Variants in CCDC171 observed in about 807,000 individuals in gnomAD.
CCDC171 encodes the protein coiled-coil domain containing 171.
CCDC171 carries 177 observed loss-of-function variants against 168.2 expected under a neutral mutation model. The observed-to-expected ratio is 1.05, with a 90% CI of 0.93 to 1.19. CCDC171 has a LOEUF of 1.19. Among genes scored for constraint, CCDC171 ranks in the 50% most tolerant of loss-of-function variants. The probability of loss-of-function intolerance (pLI) is 0.00; values close to 1 mark genes in which losing one functional copy is unlikely to be tolerated. For missense variants in CCDC171, 1,991 were observed against 1,539.0 expected (o/e 1.29, Z -4.91); for synonymous variants, 687 against 540.8 (o/e 1.27, Z -3.75).
chr9:15,821,995 C>G (rs967041603), intron 21 of CCDC171, among the ~76,000 whole-genome samples: 1 of 151,898 alleles, frequency 6.6e-6, no homozygotes, highest in Admixed American at 6.6e-5. Flanking sequence ...GATATAGACC[C>G]CGGAACACAA....
At chr9:15,603,518 C>G (rs1171591267) in intron 6 of CCDC171, among the ~76,000 whole-genome samples, 1 of 151,978 alleles carries the variant, frequency 6.6e-6, no homozygotes, top group Non-Finnish European at 1.5e-5. Flanking sequence ...CGTTTTCTGT[C>G]CCTGCATTAG....
chr9:15,885,103 A>T lies in CCDC171; in HGVS notation c.3600+10440A>T, dbSNP rs572471227. 3.4e-4 allele frequency among the ~76,000 whole-genome samples: 52 copies of T among 152,232 alleles called. 1 individual carries two copies. Among genetic ancestry groups the T allele is most frequent in the South Asian group, 6.2e-4 (3 of 4,832 alleles). ...CATTACTACTGTTTCCATATTTTGAAACATTTTGTCACCTTTTCATCATTT... is the reference window on the plus strand; with the variant it reads ...CATTACTACTGTTTCCATATTTTGATACATTTTGTCACCTTTTCATCATTT... On this transcript the variant is annotated intron_variant, in intron 24 of 25. Transcript: ENST00000380701.
chr9:15,641,791 G>A (rs1056667820), intron 7 of CCDC171, among the ~76,000 whole-genome samples: 2 of 152,108 alleles, frequency 1.3e-5, no homozygotes, highest in Non-Finnish European at 2.9e-5. Context: ...AAAATCTCTT[G>A]GCAGTACATT....
chr9:16,026,858 T>G (rs887181569), intron 6 of CCDC171, among the ~76,000 whole-genome samples: 42 of 152,374 alleles, frequency 2.8e-4, no homozygotes, highest in African/African-American at 8.7e-4. Context: ...AACACAATTA[T>G]GTGTATTGGT....
intron 21 of CCDC171, among the ~76,000 whole-genome samples, chr9:15,822,958 G>T (rs1432476535): frequency 6.6e-6 from 1 of 152,138 alleles, no homozygotes; most frequent in East Asian, 1.9e-4. Flanking sequence ...ATGATAGACT[G>T]GATTAAGAAA....
chr9:15,615,254 A>G (rs1046951332), intron 6 of CCDC171, among the ~76,000 whole-genome samples: 1 of 152,186 alleles, frequency 6.6e-6, no homozygotes, highest in Non-Finnish European at 1.5e-5. Context: ...TAGTCAGTTA[A>G]TTAATGTAAT....
intron 25 of CCDC171, among the ~76,000 whole-genome samples, chr9:15,966,748 C>G (rs1344898403): frequency 1.3e-5 from 2 of 152,088 alleles, no homozygotes; most frequent in African/African-American, 4.8e-5. Flanking sequence ...GATAGTCAAA[C>G]TAGTCTGTAC....
chr9:15,714,232 A>G (rs1311471310), intron 11 of CCDC171, among the ~76,000 whole-genome samples: 3 of 152,134 alleles, frequency 2.0e-5, no homozygotes, highest in Admixed American at 1.3e-4. Context: ...GTGTGGCATT[A>G]CTTTCAATTT....
intron 2 of CCDC171, among the ~76,000 whole-genome samples, chr9:15,570,780 T>C (rs1162815789): frequency 6.6e-6 from 1 of 152,220 alleles, no homozygotes; most frequent in Non-Finnish European, 1.5e-5. Flanking sequence ...TCTAGAGCGC[T>C]CTTTCCTTAT....
At chr9:15,601,304 A>G (rs2042835012) in intron 6 of CCDC171, among the ~76,000 whole-genome samples, 1 of 152,156 alleles carries the variant, frequency 6.6e-6, no homozygotes, top group Non-Finnish European at 1.5e-5. Flanking sequence ...TTTGAGAGTA[A>G]AAGCTGGTAG....
chr9:15,832,784 C>T (rs2060286541), intron 21 of CCDC171, among the ~76,000 whole-genome samples: 1 of 152,128 alleles, frequency 6.6e-6, no homozygotes, highest in African/African-American at 2.4e-5. Context: ...AAAGCACAAA[C>T]ACGGTGTAAA....
chr9:16,063,130 G>A (rs1388178143), downstream of CCDC171, among the ~76,000 whole-genome samples: 2 of 152,166 alleles, frequency 1.3e-5, no homozygotes, highest in African/African-American at 4.8e-5. Flanking sequence ...CTCCAAAGAA[G>A]GTGGTTTGCG....
At chr9:15,582,279 C>T (rs2041187436) in intron 4 of CCDC171, among the ~76,000 whole-genome samples, 1 of 152,180 alleles carries the variant, frequency 6.6e-6, no homozygotes, top group Non-Finnish European at 1.5e-5. Flanking sequence ...CAGGAAACAA[C>T]AGATGCTGGA....
chr9:16,047,385 C>G (rs745466536), intron 1 of CCDC171, among the ~76,000 whole-genome samples: 3 of 152,120 alleles, frequency 2.0e-5, no homozygotes, highest in Non-Finnish European at 2.9e-5. Flanking sequence ...GCCTAATAAG[C>G]CTCGTTCTAC....
the CCDC171 span, among the ~76,000 whole-genome samples, chr9:16,105,942 A>C: frequency 6.6e-6 from 1 of 152,220 alleles, no homozygotes; most frequent in Non-Finnish European, 1.5e-5. Context: ...AAAACAGGCC[A>C]CTGGCAGGCA....
At chr9:15,950,382 G>C (rs150207264) in intron 25 of CCDC171, among the ~76,000 whole-genome samples, 1 of 152,008 alleles carries the variant, frequency 6.6e-6, no homozygotes, top group African/African-American at 2.4e-5. Flanking sequence ...GAGAAAGGTC[G>C]GGTTACCCAC....
At chr9:16,086,930 G>A in the CCDC171 span, among the ~76,000 whole-genome samples, 1 of 152,128 alleles carries the variant, frequency 6.6e-6, no homozygotes. Context: ...GGTATGTTGT[G>A]TCTTTGTTCT....
intron 24 of CCDC171, among the ~76,000 whole-genome samples, chr9:15,890,310 G>T (rs1004954090): frequency 1.3e-5 from 2 of 152,132 alleles, no homozygotes; most frequent in East Asian, 3.9e-4. Flanking sequence ...ATTTGTTCTT[G>T]CTGGGTGATT....
chr9:15,695,365 G>GC, intron 11 of CCDC171, 28 bp downstream of exon 11: 1 of 1,539,038 alleles, frequency 6.5e-7, no homozygotes, highest in Non-Finnish European at 9.0e-7. Context: ...AATGACAGAT[G>GC]CATCTGTCAA....
Sources: allele counts gnomAD v4.1 joint callset (sites outside exome capture counted in the v4.1 genomes callset), GRCh38; gene constraint gnomAD v4.1.1; transcripts MANE v1.5; gene names NCBI Gene and HGNC (gene_info 2026-07-23, HGNC 2026-07-21).